PAPPA: variants seen among roughly 807,000 people sequenced by gnomAD.
PAPPA encodes pappalysin-1.
In PAPPA, 60 loss-of-function variants were observed where a neutral mutation model predicts 164.0. The ratio of observed to expected loss-of-function variants is 0.37; its 90% confidence interval spans 0.30 to 0.45. PAPPA has a LOEUF of 0.45. PAPPA is among the 20% of genes least tolerant of loss of function. The pLI is 1.00. For synonymous variants in PAPPA, 875 were observed against 814.1 expected (o/e 1.07, Z -1.27); for missense variants, 1,782 against 2,087.3 (o/e 0.85, Z 2.85).
chr9:116,383,394 A>G (rs563128576), intron 21 of PAPPA, among the ~76,000 whole-genome samples: 1 of 152,318 alleles, frequency 6.6e-6, no homozygotes, highest in African/African-American at 2.4e-5. Flanking sequence ...AGTTTCTGAG[A>G]CAGGAAAAGC....
intron 1 of PAPPA, among the ~76,000 whole-genome samples, chr9:116,156,336 A>ATATATATATATGTATATATATGTG (rs1843604100): frequency 1.3e-5 from 1 of 75,718 alleles, no homozygotes; most frequent in African/African-American, 3.6e-5. Context: ...ATATATGTGT[A>ATATATATATATGTATATATATGTG]TATATATATA....
intron 13 of PAPPA, among the ~76,000 whole-genome samples, chr9:116,336,206 C>T (rs1028063006): frequency 3.3e-5 from 5 of 151,620 alleles, no homozygotes; most frequent in Admixed American, 2.0e-4. Context: ...CTCTGAAAGT[C>T]GATTCAGCCT....
intron 10 of PAPPA, among the ~76,000 whole-genome samples, chr9:116,311,687 G>A (rs959973851): frequency 7.2e-5 from 11 of 152,154 alleles, no homozygotes; most frequent in African/African-American, 2.7e-4. Flanking sequence ...TGATCCTGCT[G>A]TCATTCTGTG....
At chr9:116,366,851 G>C (rs1224874070) in intron 18 of PAPPA, among the ~76,000 whole-genome samples, 1 of 152,152 alleles carries the variant, frequency 6.6e-6, no homozygotes. Context: ...CAAGTGGCTT[G>C]GGATTGAGGT....
intron 2 of PAPPA, among the ~76,000 whole-genome samples, chr9:116,201,930 G>A (rs1013955581): frequency 7.9e-5 from 12 of 152,314 alleles, no homozygotes; most frequent in Admixed American, 5.9e-4. Flanking sequence ...CGCATGGCCA[G>A]TACCATCTCT....
At chr9:116,270,209 C>T (rs1845121012) in intron 8 of PAPPA, among the ~76,000 whole-genome samples, 1 of 152,156 alleles carries the variant, frequency 6.6e-6, no homozygotes, top group Non-Finnish European at 1.5e-5. Context: ...CCCACTGTGC[C>T]AACCACTTTA....
intron 4 of PAPPA, among the ~76,000 whole-genome samples, chr9:116,215,401 C>A (rs1218388750): frequency 1.3e-5 from 2 of 152,146 alleles, no homozygotes; most frequent in Non-Finnish European, 2.9e-5. Flanking sequence ...ATATGGAATA[C>A]TATGCATCCA....
intron 5 of PAPPA, among the ~76,000 whole-genome samples, chr9:116,226,634 A>G (rs390623): frequency 0.16 from 24,376 of 152,184 alleles, 2,054 homozygotes; most frequent in East Asian, 0.27. Flanking sequence ...AAGAGGACTC[A>G]TTCCTCTCCC....
intron 12 of PAPPA, among the ~76,000 whole-genome samples, chr9:116,333,805 A>T (rs1846024085): frequency 1.3e-5 from 2 of 152,036 alleles, no homozygotes. Context: ...GTCTGGTTCC[A>T]CAGGAGCTCT....
At chr9:116,196,973 T>G (rs970617699) in intron 2 of PAPPA, among the ~76,000 whole-genome samples, 3 of 152,198 alleles carry the variant, frequency 2.0e-5, no homozygotes, top group Admixed American at 6.5e-5. Flanking sequence ...CACAAAATCA[T>G]GAAGTAAGAG....
At chr9:116,329,000 T>C (rs774555055) in intron 10 of PAPPA, among the ~76,000 whole-genome samples, 1 of 152,244 alleles carries the variant, frequency 6.6e-6, no homozygotes, top group Non-Finnish European at 1.5e-5. Context: ...CAACTGCAGA[T>C]TATAATGCAA....
At chr9:116,292,670 T>C (rs1316151492) in intron 9 of PAPPA, among the ~76,000 whole-genome samples, 1 of 152,220 alleles carries the variant, frequency 6.6e-6, no homozygotes, top group Non-Finnish European at 1.5e-5. Context: ...AATAGGCAGA[T>C]ATTTAGTAGA....
chr9:116,285,175 T>TC (rs1845321361), intron 9 of PAPPA, among the ~76,000 whole-genome samples: 1 of 135,742 alleles, frequency 7.4e-6, no homozygotes, highest in East Asian at 2.2e-4. Context: ...TTCTTTCTTT[T>TC]TTTTTTTTTT....
chr9:116,235,528 A>G lies in PAPPA; in HGVS notation c.2623A>G (p.Thr875Ala). ...TGCCATGTTGACCTCCACTGCAGACACCCCACTCTGTCTACAGTGTAAGCC... is the reference window on the plus strand; with the variant it reads ...TGCCATGTTGACCTCCACTGCAGACGCCCCACTCTGTCTACAGTGTAAGCC... ...DAAMLTSTAD[T>A]PLCLQCKPLK... Residue 875 changes from threonine (T) to alanine (A), a missense_variant, in exon 7 of 22, where the codon ACC becomes GCC. By Grantham distance (58) the Thr-to-Ala change is moderately conservative. Coordinates refer to ENST00000328252, the MANE Select transcript of PAPPA (RefSeq NM_002581.5). The G allele has an allele frequency of 1.2e-6, 2 of 1,613,474 alleles. No homozygotes were observed. The highest frequency in any genetic ancestry group is 1.7e-6 in the Non-Finnish European group (2 of 1,179,984).
intron 7 of PAPPA, among the ~76,000 whole-genome samples, chr9:116,260,223 A>G (rs544913193): frequency 1.9e-4 from 29 of 152,358 alleles, no homozygotes; most frequent in African/African-American, 6.7e-4. Flanking sequence ...CTTTCACACC[A>G]AAAACAAAAG....
At chr9:116,393,829 G>A (rs1373498322) in intron 21 of PAPPA, among the ~76,000 whole-genome samples, 1 of 152,148 alleles carries the variant, frequency 6.6e-6, no homozygotes, top group Non-Finnish European at 1.5e-5. Flanking sequence ...AATAAATAAA[G>A]AAGCCACTGA....
At chr9:116,282,713 G>A (rs1400678048) in intron 9 of PAPPA, among the ~76,000 whole-genome samples, 2 of 152,168 alleles carry the variant, frequency 1.3e-5, no homozygotes, top group African/African-American at 4.8e-5. Flanking sequence ...CATCATTAAG[G>A]TTATCTAATA....
At chr9:116,286,087 C>T (rs956268269) in intron 9 of PAPPA, 4 of 152,102 alleles carry the variant, frequency 2.6e-5, no homozygotes, top group African/African-American at 9.7e-5. Flanking sequence ...TATCGATACA[C>T]CAAGAGGTAG....
At chr9:116,289,314 G>GCATATATATGC (rs1845399380) in intron 9 of PAPPA, among the ~76,000 whole-genome samples, 1 of 102,290 alleles carries the variant, frequency 9.8e-6, no homozygotes, top group East Asian at 2.2e-4. Flanking sequence ...CATATATATG[G>GCATATATATGC]CATATATATG....
Sources: allele counts gnomAD v4.1 joint callset (sites outside exome capture counted in the v4.1 genomes callset), GRCh38; gene constraint gnomAD v4.1.1; transcripts MANE v1.5; gene names NCBI Gene and HGNC (gene_info 2026-07-23, HGNC 2026-07-21).